FUCA2: variants seen among roughly 807,000 people sequenced by gnomAD.
The protein encoded by FUCA2 is alpha-L-fucosidase 2, also known as plasma alpha-L-fucosidase.
Under a neutral mutation model 52.6 loss-of-function variants are expected in FUCA2, and 41 were observed. The ratio of observed to expected loss-of-function variants is 0.78; its 90% CI spans 0.61 to 1.01. The LOEUF (loss-of-function observed/expected upper bound fraction) is 1.01. Among genes scored for constraint, FUCA2 ranks in the 50% least tolerant of loss-of-function variants. The probability of loss-of-function intolerance (pLI) is 0.00; values close to 1 mark genes in which losing one functional copy is unlikely to be tolerated. For missense variants in FUCA2, 507 were observed against 569.5 expected, an observed-to-expected ratio of 0.89 and a Z score of 1.12; for synonymous variants, 211 against 217.3, an observed-to-expected ratio of 0.97 and a Z score of 0.26.
In FUCA2 at chr6:143,504,347, G is replaced by A; in HGVS notation, c.413-95C>T. 3.0e-6 allele frequency: 3 copies of A among 1,006,082 alleles called. No homozygotes were observed. Among genetic ancestry groups the A allele is most frequent in the African/African-American group, 1.6e-5 (1 of 61,858 alleles). 62.3% of individuals were successfully genotyped at this position (1,006,082 alleles called of 1,614,324 possible). On this transcript the variant is annotated intron_variant, in intron 2 of 6. Coordinates refer to ENST00000002165, the MANE Select transcript of FUCA2 (RefSeq NM_032020.5). This position sits in a 1 kb window ranked among gnomAD's most constrained non-coding sequence, Gnocchi z 4.4. ...TGCCCAAACAAATCACATAGTACAT[G>A]CGATATATAAATACCTGCTCCTACA...
chr6:143,498,730 G>T (rs1272072364), intron 5 of FUCA2, among the ~76,000 whole-genome samples: 1 of 152,218 alleles, frequency 6.6e-6, no homozygotes, highest in Non-Finnish European at 1.5e-5. Flanking sequence ...AGCCATTGGA[G>T]AAATGTGACC....
intron 1 of FUCA2, among the ~76,000 whole-genome samples, chr6:143,508,833 T>C (rs569668551): frequency 2.0e-5 from 3 of 152,370 alleles, no homozygotes; most frequent in African/African-American, 7.2e-5. Flanking sequence ...CCTATCATTA[T>C]ACCTTTTAGT....
chr6:143,507,113 G>T lies in FUCA2; in HGVS notation c.412+124C>A. 1 of 807,152 alleles carries T rather than the reference G, an allele frequency of 1.2e-6. No homozygotes were observed. Among genetic ancestry groups the T allele is most frequent in the Non-Finnish European group, 1.9e-6 (1 of 527,200 alleles). 50.0% of individuals were successfully genotyped at this position (807,152 alleles called of 1,614,324 possible). Reference sequence around the variant, plus strand: ...TGCAGTCCCTAAGTCATAAGCAAGTGCCAGTCACCACTTATGGTTGCTCCG... The same window carrying T: ...TGCAGTCCCTAAGTCATAAGCAAGTTCCAGTCACCACTTATGGTTGCTCCG... On this transcript the variant is annotated intron_variant, in intron 2 of 6. Coordinates refer to ENST00000002165, the MANE Select transcript of FUCA2 (RefSeq NM_032020.5). This position sits in a 1 kb window ranked among gnomAD's most constrained non-coding sequence, Gnocchi z 4.5.
Position 143,510,841 on chromosome 6 carries a change from TATG to T in FUCA2, c.224+567_224+569del, listed in dbSNP as rs145310212. On this transcript the variant is annotated intron_variant, in intron 1 of 6. Coordinates refer to ENST00000002165, the MANE Select transcript of FUCA2 (RefSeq NM_032020.5). The surrounding 1 kb of genome is among the most constrained non-coding windows in gnomAD (Gnocchi z 4.4). Reference sequence around the variant, plus strand: ...TTGTGTAGCACCTTTCATACGGCAGTATGATAACTGGGTTGTGTTAAGAGTACC... The same window carrying T: ...TTGTGTAGCACCTTTCATACGGCAGTATAACTGGGTTGTGTTAAGAGTACC... Among the ~76,000 whole-genome samples, 2,463 of 152,254 alleles carry T rather than the reference TATG, an allele frequency of 0.016. 86 individuals carry two copies. The highest frequency in any genetic ancestry group is 0.076 in the Admixed American group (1,155 of 15,290).
At chr6:143,506,522 AT>A (rs1242020398) in intron 2 of FUCA2, 3 of 152,066 alleles carry the variant, frequency 2.0e-5, no homozygotes, top group Non-Finnish European at 4.4e-5. Context: ...GGCAAAGATG[AT>A]CATGCAAAAG....
chr6:143,506,518 G>A (rs1419082064), intron 2 of FUCA2: 2 of 152,004 alleles, frequency 1.3e-5, no homozygotes, highest in African/African-American at 4.8e-5. Flanking sequence ...CCAAGGCAAA[G>A]ATGATCATGC....
In FUCA2 at chr6:143,503,638, G is replaced by A. The variant is rs921197253; in HGVS notation, c.752+275C>T. The A allele has an allele frequency of 6.0e-6, 2 of 336,006 alleles. No individual in the cohort carries two copies. Among genetic ancestry groups the A allele is most frequent in the Non-Finnish European group, 1.1e-5 (2 of 183,898 alleles). 20.8% of individuals were successfully genotyped at this position (336,006 alleles called of 1,614,324 possible). On this transcript the variant is annotated intron_variant, in intron 3 of 6. Coordinates refer to ENST00000002165, the MANE Select transcript of FUCA2 (RefSeq NM_032020.5). The surrounding 1 kb of genome is among the most constrained non-coding windows in gnomAD (Gnocchi z 4.8). ...ACCAGGGTAGGAGAGAAAAAGGGGG[G>A]ACCCACAAAATTAACACCTTCAAAG... is the stretch of plus-strand genomic sequence containing the variant.
Position 143,502,424 on chromosome 6 carries a change from G to T in FUCA2, c.894C>A (p.Asp298Glu), listed in dbSNP as rs1000303499. Residue 298 changes from aspartate (D) to glutamate (E), a missense_variant, in exon 4 of 7, where the codon GAC becomes GAA. Transcript: ENST00000002165. The surrounding 1 kb of genome is among the most constrained non-coding windows in gnomAD (Gnocchi z 4.1). ...CCCTCCTATAGCCCCAGGACAGTTT[G>T]TCTATTGTCATGCAGTTTTCCCATT... ...PHKWENCMTIDKLSWGYRREA... is the reference protein window; with the variant it reads ...PHKWENCMTIEKLSWGYRREA... The T allele has an allele frequency of 1.2e-6, 2 of 1,613,918 alleles. No homozygotes were observed. The highest frequency in any genetic ancestry group is 1.7e-6 in the Non-Finnish European group (2 of 1,179,984).
In FUCA2 at chr6:143,511,574, G is replaced by GCAGCAGCAACAGCAA; in HGVS notation, c.46_60dup (p.Leu17_Leu21dup). On this transcript the variant is annotated inframe_insertion, in exon 1 of 7. Coordinates refer to ENST00000002165, the MANE Select transcript of FUCA2 (RefSeq NM_032020.5). The surrounding 1 kb of genome is among the most constrained non-coding windows in gnomAD (Gnocchi z 6.3). Reference sequence around the variant, plus strand: ...TGGGCAGGGCACGGCGGCGGCGGCAGCAGCAGCAACAGCAACAGCAGCAAC... The same window carrying GCAGCAGCAACAGCAA: ...TGGGCAGGGCACGGCGGCGGCGGCAGCAGCAGCAACAGCAACAGCAGCAACAGCAACAGCAGCAAC... The GCAGCAGCAACAGCAA allele has an allele frequency of 6.4e-7, 1 of 1,561,844 alleles. No individual in the cohort carries two copies.
chr6:143,511,441 G>A lies in FUCA2; in HGVS notation c.194C>T (p.Ser65Phe). 1.2e-6 allele frequency: 2 copies of A among 1,611,866 alleles called. No homozygotes were observed. Among genetic ancestry groups the A allele is most frequent in the Non-Finnish European group, 1.7e-6 (2 of 1,178,936 alleles). ...FGIFIHWGVF[S>F]VPSFGSEWFW... is the part of the protein sequence containing the mutation. ...CCACTCGCTACCGAAGCTGGGCACGGAAAACACTCCCCAGTGGATGAAGAT... is the reference window on the plus strand; with the variant it reads ...CCACTCGCTACCGAAGCTGGGCACGAAAAACACTCCCCAGTGGATGAAGAT... The change falls in exon 1 of 7, where the codon TCC (serine) becomes TTC (phenylalanine). Residue 65 changes from serine (S) to phenylalanine (F), a missense_variant. Coordinates refer to ENST00000002165, the MANE Select transcript of FUCA2 (RefSeq NM_032020.5). The surrounding 1 kb of genome is among the most constrained non-coding windows in gnomAD (Gnocchi z 6.3).
At chr6:143,498,356 C>T (rs1780490098) in intron 5 of FUCA2, among the ~76,000 whole-genome samples, 2 of 152,160 alleles carry the variant, frequency 1.3e-5, no homozygotes, top group South Asian at 4.2e-4. Flanking sequence ...TGATTAAATG[C>T]TATGGAGAAA....
In FUCA2 at chr6:143,507,343, A is replaced by G. The variant is rs370031513; in HGVS notation, c.306T>C (p.Asp102=). Residue 102 remains aspartate, a synonymous_variant, in exon 2 of 7, where the codon GAT becomes GAC. Coordinates refer to ENST00000002165, the MANE Select transcript of FUCA2 (RefSeq NM_032020.5). This position sits in a 1 kb window ranked among gnomAD's most constrained non-coding sequence, Gnocchi z 4.5. ...ATTTTGCTGTAAATAGTGGTCCAAAATCTTCATATTTGAAACTAGGAGGGT... is the reference window on the plus strand; with the variant it reads ...ATTTTGCTGTAAATAGTGGTCCAAAGTCTTCATATTTGAAACTAGGAGGGT... ...DNYPPSFKYE[D]FGPLFTAKFF... 1.3e-4 allele frequency: 212 copies of G among 1,608,870 alleles called. No homozygotes were observed. Among genetic ancestry groups the G allele is most frequent in the Non-Finnish European group, 1.7e-4 (205 of 1,178,968 alleles).
At position 143,501,961 on chromosome 6, in the gene FUCA2, G is replaced by T. The variant is rs1780532403; in HGVS notation, c.1125C>A (p.Ser375=). The T allele has an allele frequency of 1.2e-6, 2 of 1,613,490 alleles. No homozygotes were observed. The highest frequency in any genetic ancestry group is 2.7e-5 in the African/African-American group (2 of 74,830). ...CATCTGGGGTGACAGTGTCATTCTG[G>T]GATCGCCAGGTATGGGTTTCATAAA... The part of the protein sequence containing the change: ...EAIYETHTWR[S]QNDTVTPDVW... Residue 375 remains serine (S), a synonymous_variant, in exon 5 of 7, where the codon TCC becomes TCA. Coordinates refer to ENST00000002165, the MANE Select transcript of FUCA2 (RefSeq NM_032020.5). This position sits in a 1 kb window ranked among gnomAD's most constrained non-coding sequence, Gnocchi z 6.1.
rs200632280 is a variant in FUCA2, at chr6:143,495,750, G to C, written c.1361C>G (p.Pro454Arg). 2 of 1,614,018 alleles carry C rather than the reference G, an allele frequency of 1.2e-6. No individual in the cohort carries two copies. The highest frequency in any genetic ancestry group is 1.7e-6 in the Non-Finnish European group (2 of 1,179,968). Residue 454 changes from proline to arginine, a missense_variant, in exon 7 of 7, where the codon CCG becomes CGG. Pro to Arg is a moderately radical substitution (Grantham distance 103). Coordinates refer to ENST00000002165, the MANE Select transcript of FUCA2 (RefSeq NM_032020.5). The surrounding 1 kb of genome is among the most constrained non-coding windows in gnomAD (Gnocchi z 5.2). ...GGCTAGAGCCCAGCCCCATTTACAC[G>C]GCATCTGATGAATGGTTAGCTGTGG... ...ELPQLTIHQM[P>R]CKWGWALALT...
Position 143,511,343 on chromosome 6 carries a change from G to C in FUCA2, c.224+68C>G. The C allele has an allele frequency of 7.0e-7, 1 of 1,435,778 alleles. No individual in the cohort carries two copies. Among genetic ancestry groups the C allele is most frequent in the Non-Finnish European group, 9.4e-7 (1 of 1,058,472 alleles). 88.9% of individuals were successfully genotyped at this position (1,435,778 alleles called of 1,614,324 possible). A position where few individuals can be genotyped will look rare whatever the true frequency, so the allele number is the denominator to read the frequency against. The stretch of plus-strand genomic sequence containing the variant: ...CACCAGGCGGCGAACCAGGCCCGCT[G>C]GGTGGTGGCTGGAGGCTGCGGGTGG... On this transcript the variant is annotated intron_variant, in intron 1 of 6. Transcript: ENST00000002165. The surrounding 1 kb of genome is among the most constrained non-coding windows in gnomAD (Gnocchi z 6.3).
At position 143,495,892 on chromosome 6, in the gene FUCA2, T is replaced by A. The variant is rs1369491360; in HGVS notation, c.1264-45A>T. 1 of 1,596,898 alleles carries A rather than the reference T, an allele frequency of 6.3e-7. No individual in the cohort carries two copies. The highest frequency in any genetic ancestry group is 1.7e-5 in the Admixed American group (1 of 59,466). ...TGCAAATGTCTCCAAATTTATCTCT[T>A]TATCTCACCCACTTTCTATTGGGAA... On this transcript the variant is annotated intron_variant, in intron 6 of 6. Coordinates refer to ENST00000002165, the MANE Select transcript of FUCA2 (RefSeq NM_032020.5). This position sits in a 1 kb window ranked among gnomAD's most constrained non-coding sequence, Gnocchi z 5.2.
In FUCA2 at chr6:143,504,815, G is replaced by A. The variant is rs1780578798; in HGVS notation, c.413-563C>T. On this transcript the variant is annotated intron_variant, in intron 2 of 6. Coordinates refer to ENST00000002165, the MANE Select transcript of FUCA2 (RefSeq NM_032020.5). This position sits in a 1 kb window ranked among gnomAD's most constrained non-coding sequence, Gnocchi z 4.4. ...TTAGAACACTGGTGATCCACGTATA[G>A]CAAATCTCTTTTAGCCTGATTATTT... is the stretch of plus-strand genomic sequence containing the variant. 6.6e-6 allele frequency: 1 copy of A among 152,120 alleles called. No homozygotes were observed. Among genetic ancestry groups the A allele is most frequent in the South Asian group, 2.1e-4 (1 of 4,822 alleles). 9.4% of individuals were successfully genotyped at this position (152,120 alleles called of 1,614,324 possible). A position where few individuals can be genotyped will look rare whatever the true frequency, so the allele number is the denominator to read the frequency against.
At position 143,511,166 on chromosome 6, in the gene FUCA2, C is replaced by A. The variant is rs1780676975; in HGVS notation, c.224+245G>T. 6.6e-6 allele frequency among the ~76,000 whole-genome samples: 1 copy of A among 152,198 alleles called. No homozygotes were observed. The highest frequency in any genetic ancestry group is 2.1e-4 in the South Asian group (1 of 4,828). ...CGCAACTATGAAGAAGCTGAGGAGT[C>A]AGGAGTATCTGAAAACTCTTACAGT... On this transcript the variant is annotated intron_variant, in intron 1 of 6. Coordinates refer to ENST00000002165, the MANE Select transcript of FUCA2 (RefSeq NM_032020.5). This position sits in a 1 kb window ranked among gnomAD's most constrained non-coding sequence, Gnocchi z 6.3.
In FUCA2 at chr6:143,507,247, T is replaced by C. The variant is rs2128422563; in HGVS notation, c.402A>G (p.Lys134=). The C allele has an allele frequency of 6.3e-7, 1 of 1,589,386 alleles. No homozygotes were observed. The highest frequency in any genetic ancestry group is 8.5e-7 in the Non-Finnish European group (1 of 1,172,646). Residue 134 remains lysine (K), a synonymous_variant, in exon 2 of 7, where the codon AAA becomes AAG. Transcript: ENST00000002165. The surrounding 1 kb of genome is among the most constrained non-coding windows in gnomAD (Gnocchi z 4.5). ...SGAKYIVLTS[K]HHEGFTLWGS... Reference sequence around the variant, plus strand: ...GCTGGATTGACTTACCTTCATGATGTTTGGAAGTTAAGACAATGTATTTGG... The same window carrying C: ...GCTGGATTGACTTACCTTCATGATGCTTGGAAGTTAAGACAATGTATTTGG...
Sources: allele counts gnomAD v4.1 joint callset (sites outside exome capture counted in the v4.1 genomes callset), GRCh38; gene constraint gnomAD v4.1.1; non-coding constraint Gnocchi (gnomAD v3.1); transcripts MANE v1.5; gene names NCBI Gene and HGNC (gene_info 2026-07-23, HGNC 2026-07-21).